The following RBFOX1 variants were observed in gnomAD, a reference collection of about 807,000 sequenced individuals.
RBFOX1 encodes RNA binding fox-1 homolog 1.
In RBFOX1, 8 loss-of-function variants were observed where a neutral mutation model predicts 57.7. That is an observed-to-expected ratio of 0.14 (90% CI 0.08 to 0.25). The LOEUF (loss-of-function observed/expected upper bound fraction) is 0.25. RBFOX1 is among the 10% of genes least tolerant of loss of function. The pLI, the probability that RBFOX1 is intolerant of heterozygous loss-of-function variation, is 1.00. For synonymous variants in RBFOX1, 326 were observed against 222.4 expected, an observed-to-expected ratio of 1.47 and a Z score of -4.15; for missense variants, 611 against 548.5, an observed-to-expected ratio of 1.11 and a Z score of -1.14.
At chr16:7,623,577 A>G (rs1427336957) in intron 10 of RBFOX1, among the ~76,000 whole-genome samples, 1 of 152,212 alleles carries the variant, frequency 6.6e-6, no homozygotes, top group Non-Finnish European at 1.5e-5. Context: ...AACATGAAGT[A>G]ACATGAACAA....
chr16:5,733,010 T>C (rs779280661), intron 3 of RBFOX1, among the ~76,000 whole-genome samples: 1 of 152,118 alleles, frequency 6.6e-6, no homozygotes, highest in Non-Finnish European at 1.5e-5. Flanking sequence ...TATATGATCT[T>C]ACACATTTTT....
intron 2 of RBFOX1, among the ~76,000 whole-genome samples, chr16:5,484,650 C>T (rs1006432115): frequency 6.6e-6 from 1 of 152,128 alleles, no homozygotes; most frequent in African/African-American, 2.4e-5. Context: ...TGGTGGCTCA[C>T]ACCTGTAATT....
At chr16:5,831,137 A>G (rs1032019646) in intron 3 of RBFOX1, among the ~76,000 whole-genome samples, 1 of 152,042 alleles carries the variant, frequency 6.6e-6, no homozygotes, top group Non-Finnish European at 1.5e-5. Flanking sequence ...CTGCGTTCCG[A>G]CCACATCTCA....
At chr16:5,828,653 C>CA (rs1462824115) in intron 3 of RBFOX1, among the ~76,000 whole-genome samples, 2 of 151,792 alleles carry the variant, frequency 1.3e-5, no homozygotes, top group Admixed American at 6.6e-5. Context: ...GAGCCGAGAT[C>CA]ATGCTACTGC....
intron 4 of RBFOX1, among the ~76,000 whole-genome samples, chr16:7,366,035 A>C (rs2097438218): frequency 6.6e-6 from 1 of 152,170 alleles, no homozygotes; most frequent in Non-Finnish European, 1.5e-5. Context: ...CTCCCAGGGA[A>C]GGTTTTGATT....
intron 2 of RBFOX1, among the ~76,000 whole-genome samples, chr16:6,320,258 A>G (rs569361615): frequency 6.6e-6 from 1 of 152,144 alleles, no homozygotes; most frequent in Non-Finnish European, 1.5e-5. Flanking sequence ...TGTCCCTAAT[A>G]ATAAAGGAAA....
At chr16:7,543,807 A>G (rs890224433) in intron 5 of RBFOX1, among the ~76,000 whole-genome samples, 2 of 151,280 alleles carry the variant, frequency 1.3e-5, no homozygotes, top group Non-Finnish European at 2.9e-5. Flanking sequence ...TGCAACCTCT[A>G]CCTCCTTGGT....
At chr16:7,117,647 C>T (rs2066202421) in intron 4 of RBFOX1, among the ~76,000 whole-genome samples, 1 of 152,202 alleles carries the variant, frequency 6.6e-6, no homozygotes, top group South Asian at 2.1e-4. Flanking sequence ...GGTTTTTACG[C>T]TGCATAGCAC....
intron 4 of RBFOX1, among the ~76,000 whole-genome samples, chr16:7,316,963 A>AACACAGAC (rs2096453908): frequency 6.8e-6 from 1 of 146,886 alleles, no homozygotes; most frequent in East Asian, 2.0e-4. Context: ...AAGAAGACAG[A>AACACAGAC]ACACACACAC....
intron 4 of RBFOX1, among the ~76,000 whole-genome samples, chr16:7,082,553 C>A (rs1027985218): frequency 6.7e-6 from 1 of 150,342 alleles, no homozygotes; most frequent in Non-Finnish European, 1.5e-5. Flanking sequence ...CAGAGTGAGA[C>A]CATGTCTCAA....
At chr16:5,738,642 A>AAAAAAAAAG (rs2052667087) in intron 3 of RBFOX1, among the ~76,000 whole-genome samples, 1 of 151,554 alleles carries the variant, frequency 6.6e-6, no homozygotes, top group Non-Finnish European at 1.5e-5. Flanking sequence ...TCAGAAAAAA[A>AAAAAAAAAG]AAAAAAAAAA....
chr16:6,986,490 C>T (rs554811006), intron 3 of RBFOX1, among the ~76,000 whole-genome samples: 82 of 152,286 alleles, frequency 5.4e-4, no homozygotes, highest in Non-Finnish European at 9.0e-4. Context: ...TGAGCCACCA[C>T]GTCCAGCCCC....
chr16:7,498,540 A>T (rs535818851), intron 4 of RBFOX1, among the ~76,000 whole-genome samples: 1 of 152,244 alleles, frequency 6.6e-6, no homozygotes, highest in Admixed American at 6.5e-5. Context: ...ATATCCCAAT[A>T]TATAACCAAG....
At chr16:6,280,183 G>A (rs1042280636) in intron 1 of RBFOX1, among the ~76,000 whole-genome samples, 1 of 152,128 alleles carries the variant, frequency 6.6e-6, no homozygotes, top group African/African-American at 2.4e-5. Context: ...GAAGCTACAG[G>A]CAGTCTGCAG....
chr16:5,239,752 C>CCCGCGCCGGCCCCGATGCCCAGCT (rs2062115846), upstream of RBFOX1: 3 of 167,956 alleles, frequency 1.8e-5, no homozygotes, highest in African/African-American at 6.0e-5. Flanking sequence ...CGCGGAGGAG[C>CCCGCGCCGGCCCCGATGCCCAGCT]CCGCGCCGGC....
chr16:6,594,751 C>T (rs1600914986), intron 2 of RBFOX1, among the ~76,000 whole-genome samples: 1 of 151,986 alleles, frequency 6.6e-6, no homozygotes, highest in East Asian at 1.9e-4. Flanking sequence ...ATGCGTATGC[C>T]ACAAAATTCA....
chr16:6,952,257 T>C (rs999292748), intron 3 of RBFOX1, among the ~76,000 whole-genome samples: 1 of 152,172 alleles, frequency 6.6e-6, no homozygotes, highest in Non-Finnish European at 1.5e-5. Flanking sequence ...TTTCTGTAGA[T>C]TTCTGGTTCT....
chr16:5,983,935 C>CTCCCCCTCCTCCTCCCCCTCCTCG (rs2060227093), intron 4 of RBFOX1, among the ~76,000 whole-genome samples: 1 of 145,678 alleles, frequency 6.9e-6, no homozygotes, highest in Non-Finnish European at 1.5e-5. Flanking sequence ...CCCCCTCCTC[C>CTCCCCCTCCTCCTCCCCCTCCTCG]TCCTCCTCTT....
chr16:7,056,576 G>C (rs2052351897), intron 4 of RBFOX1, among the ~76,000 whole-genome samples: 1 of 152,102 alleles, frequency 6.6e-6, no homozygotes, highest in African/African-American at 2.4e-5. Flanking sequence ...ACAACTAAGA[G>C]AGAAATAAAA....
Sources: gnomAD v4.1 joint callset for allele counts (sites outside exome capture counted in the v4.1 genomes callset) on GRCh38, gnomAD v4.1.1 for gene constraint, MANE v1.5 for transcripts, NCBI Gene and HGNC (gene_info 2026-07-23, HGNC 2026-07-21) for gene names.